DLGAP2: variants seen among roughly 807,000 people sequenced by gnomAD.
DLGAP2 encodes DLG associated protein 2.
A neutral mutation model predicts 100.3 loss-of-function variants in DLGAP2; 26 were observed. The observed-to-expected ratio is 0.26, with a 90% CI of 0.19 to 0.36. DLGAP2 has a LOEUF of 0.36. Ranked by LOEUF, DLGAP2 falls within the 10% of genes least tolerant of loss-of-function variation. The probability of loss-of-function intolerance (pLI) is 1.00; values close to 1 mark genes in which losing one functional copy is unlikely to be tolerated. For missense variants in DLGAP2, 1,858 were observed against 1,453.2 expected, an observed-to-expected ratio of 1.28 and a Z score of -4.53; for synonymous variants, 886 against 630.1, an observed-to-expected ratio of 1.41 and a Z score of -6.08.
At chr8:1,700,419 T>A (rs1048478347) in intron 14 of DLGAP2, among the ~76,000 whole-genome samples, 2 of 72,412 alleles carry the variant, frequency 2.8e-5, no homozygotes, top group African/African-American at 1.6e-4. Flanking sequence ...ACAATGTGAA[T>A]CACGGGGCAG....
At chr8:1,587,547 T>G (rs1584958934) in intron 6 of DLGAP2, among the ~76,000 whole-genome samples, 1 of 152,244 alleles carries the variant, frequency 6.6e-6, no homozygotes, top group Admixed American at 6.5e-5. Context: ...GAATATATCT[T>G]AGCTACATCA....
At chr8:836,229 G>C (rs924309153) in intron 1 of DLGAP2, among the ~76,000 whole-genome samples, 1 of 152,206 alleles carries the variant, frequency 6.6e-6, no homozygotes, top group African/African-American at 2.4e-5. Context: ...GCCGCCTCCT[G>C]CTTCCAGTGC....
chr8:1,523,082 G>A (rs1380525626), intron 4 of DLGAP2, among the ~76,000 whole-genome samples: 7 of 152,206 alleles, frequency 4.6e-5, no homozygotes, highest in East Asian at 3.9e-4. Context: ...ACCTGCAGAC[G>A]GCACTGCCCG....
chr8:1,128,218 C>G (rs976297856), intron 2 of DLGAP2, among the ~76,000 whole-genome samples: 3 of 141,872 alleles, frequency 2.1e-5, no homozygotes, highest in African/African-American at 8.1e-5. Flanking sequence ...ACCTGCTCCC[C>G]ATGTTGTGTT....
intron 2 of DLGAP2, among the ~76,000 whole-genome samples, chr8:1,101,281 G>A (rs1804570247): frequency 6.6e-6 from 1 of 152,228 alleles, no homozygotes; most frequent in East Asian, 1.9e-4. Context: ...CACAGGGTGG[G>A]GGGCCAAGGC....
intron 3 of DLGAP2, among the ~76,000 whole-genome samples, chr8:1,354,338 T>C (rs1056719897): frequency 6.6e-6 from 1 of 152,064 alleles, no homozygotes; most frequent in Non-Finnish European, 1.5e-5. Flanking sequence ...AAACCCCATC[T>C]CTTCTAAAAA....
intron 4 of DLGAP2, among the ~76,000 whole-genome samples, chr8:1,536,339 C>T (rs544760674): frequency 4.6e-5 from 7 of 152,208 alleles, no homozygotes; most frequent in African/African-American, 1.7e-4. Flanking sequence ...CAGCACCATG[C>T]CGACGACCAT....
At chr8:1,054,550 A>ATATTTTCTATGGCGTTCAT (rs1802821706) in intron 2 of DLGAP2, among the ~76,000 whole-genome samples, 1 of 152,230 alleles carries the variant, frequency 6.6e-6, no homozygotes, top group Non-Finnish European at 1.5e-5. Flanking sequence ...GCAAATATTT[A>ATATTTTCTATGGCGTTCAT]TATTTTCTAT....
At chr8:762,824 C>T (rs554491315) in intron 1 of DLGAP2, among the ~76,000 whole-genome samples, 1 of 152,150 alleles carries the variant, frequency 6.6e-6, no homozygotes, top group African/African-American at 2.4e-5. Context: ...ATCACAGGTA[C>T]ACACCACTAC....
chr8:1,287,161 C>CAT (rs1413942647), intron 3 of DLGAP2, among the ~76,000 whole-genome samples: 1 of 47,798 alleles, frequency 2.1e-5, no homozygotes, highest in East Asian at 7.9e-4. Flanking sequence ...TGTGTGTGCG[C>CAT]GCGCGCGCGT....
At chr8:1,473,471 G>T (rs1303124163) in intron 3 of DLGAP2, among the ~76,000 whole-genome samples, 1 of 152,178 alleles carries the variant, frequency 6.6e-6, no homozygotes, top group Non-Finnish European at 1.5e-5. Flanking sequence ...GCTGCTTGCA[G>T]TTTGATTCTA....
intron 4 of DLGAP2, among the ~76,000 whole-genome samples, chr8:1,542,026 C>T (rs558119125): frequency 2.0e-5 from 3 of 152,318 alleles, no homozygotes; most frequent in Middle Eastern, 3.4e-3. Flanking sequence ...CAGAGCAACA[C>T]AGGAAACAGC....
chr8:1,268,895 C>T (rs181825365), intron 3 of DLGAP2, among the ~76,000 whole-genome samples: 6 of 152,276 alleles, frequency 3.9e-5, no homozygotes, highest in African/African-American at 7.2e-5. Context: ...CAGGCTAAGT[C>T]GGCTTTGTGG....
intron 2 of DLGAP2, among the ~76,000 whole-genome samples, chr8:916,989 C>A (rs929659397): frequency 6.6e-6 from 1 of 152,200 alleles, no homozygotes; most frequent in Non-Finnish European, 1.5e-5. Flanking sequence ...AGGGCCTCCT[C>A]TCTAGGGTTT....
chr8:1,006,137 C>T (rs563935667), intron 2 of DLGAP2, among the ~76,000 whole-genome samples: 14 of 152,004 alleles, frequency 9.2e-5, no homozygotes, highest in East Asian at 5.8e-4. Flanking sequence ...TGCAGTGAGC[C>T]GAGATCGCAC....
chr8:1,364,361 G>A (rs975753160), intron 3 of DLGAP2, among the ~76,000 whole-genome samples: 1 of 152,172 alleles, frequency 6.6e-6, no homozygotes, highest in Non-Finnish European at 1.5e-5. Flanking sequence ...TGATCGTCAA[G>A]GGCTGCCACG....
In DLGAP2 at chr8:840,454, C is replaced by T. The variant is rs539330545; in HGVS notation, c.19-67458C>T. ...TTCCCCACACTCTGGATTCTGGGAG[C>T]GCGTCTACACGGTACATGCCTGCAC... is the stretch of plus-strand genomic sequence containing the variant. On this transcript the variant is annotated intron_variant, in intron 1 of 14. Transcript: ENST00000637795. Among the ~76,000 whole-genome samples the T allele has an allele frequency of 6.8e-4, 89 of 130,294 alleles. 2 individuals are homozygous for T. Among genetic ancestry groups the T allele is most frequent in the African/African-American group, 2.4e-3 (80 of 33,266 alleles). 85.5% of individuals were successfully genotyped at this position (130,294 alleles called of 152,430 possible).
intron 2 of DLGAP2, among the ~76,000 whole-genome samples, chr8:1,128,171 C>T (rs1371322633): frequency 1.3e-5 from 2 of 151,922 alleles, no homozygotes; most frequent in Non-Finnish European, 2.9e-5. Flanking sequence ...GTGTTGTGTT[C>T]CGTGAGGACC....
intron 8 of DLGAP2, among the ~76,000 whole-genome samples, chr8:1,653,321 A>G (rs1380223038): frequency 6.6e-6 from 1 of 152,140 alleles, no homozygotes; most frequent in Admixed American, 6.5e-5. Context: ...GGAGCCGACA[A>G]TCCTCACCCC....
Sources: gnomAD v4.1 joint callset for allele counts (sites outside exome capture counted in the v4.1 genomes callset) on GRCh38, gnomAD v4.1.1 for gene constraint, MANE v1.5 for transcripts, NCBI Gene and HGNC (gene_info 2026-07-23, HGNC 2026-07-21) for gene names.